The following SH2D4B variants were observed in gnomAD, a reference collection of about 807,000 sequenced individuals.
SH2D4B encodes the protein SH2 domain containing 4B.
In SH2D4B, 45 loss-of-function variants were observed where a neutral mutation model predicts 61.5. The observed-to-expected ratio is 0.73, with a 90% CI of 0.58 to 0.94. SH2D4B has a LOEUF of 0.94. SH2D4B is among the 40% of genes least tolerant of loss of function. The pLI, the probability that SH2D4B is intolerant of heterozygous loss-of-function variation, is 0.00. For synonymous variants in SH2D4B, 224 were observed against 220.4 expected (o/e 1.02, Z -0.14); for missense variants, 572 against 574.2 (o/e 1.00, Z 0.04).
At chr10:80,605,087 C>T (rs1438735331) in intron 5 of SH2D4B, among the ~76,000 whole-genome samples, 2 of 152,198 alleles carry the variant, frequency 1.3e-5, no homozygotes, top group Admixed American at 6.5e-5. Flanking sequence ...GCCACTGCGT[C>T]CGGCTCTGTT....
chr10:80,571,885 A>G lies in SH2D4B; in HGVS notation c.495+307A>G, dbSNP rs906769647. ...CCTCCCGGGTTCACGCCATTCTCCT[A>G]CCTCAGCCTCCCGAGTAGCTGGGAC... On this transcript the variant is annotated intron_variant, in intron 3 of 7. Coordinates refer to ENST00000646907, the MANE Select transcript of SH2D4B (RefSeq NM_001388272.1). 6.2e-5 allele frequency among the ~76,000 whole-genome samples: 9 copies of G among 146,162 alleles called. No individual in the cohort carries two copies. In the South Asian group the frequency reaches 1.7e-3, roughly 28 times the overall value.
chr10:80,585,041 T>G (rs1913758), intron 3 of SH2D4B, among the ~76,000 whole-genome samples: 40,858 of 152,080 alleles, frequency 0.27, 6,430 homozygotes, highest in African/African-American at 0.43. Flanking sequence ...GAAGCCTGTG[T>G]TTCATAATGT....
At chr10:80,612,544 T>G (rs6586106) in intron 6 of SH2D4B, among the ~76,000 whole-genome samples, 77,510 of 151,862 alleles carry the variant, frequency 0.51, 20,781 homozygotes, top group East Asian at 0.74. Context: ...TTGAGCCCTA[T>G]TCTTAGAGCC....
intron 6 of SH2D4B, among the ~76,000 whole-genome samples, chr10:80,617,560 G>T (rs1412477018): frequency 6.6e-6 from 1 of 152,182 alleles, no homozygotes; most frequent in Non-Finnish European, 1.5e-5. Flanking sequence ...TACAGGGTGT[G>T]TGGTGATGAA....
intron 3 of SH2D4B, among the ~76,000 whole-genome samples, chr10:80,583,495 C>CT (rs373321438): frequency 0.012 from 1,770 of 148,662 alleles, 61 homozygotes; most frequent in African/African-American, 0.042. Context: ...ATGATGAAAC[C>CT]CGTCTCCACT....
intron 7 of SH2D4B, among the ~76,000 whole-genome samples, chr10:80,636,355 T>A (rs1176977594): frequency 6.6e-6 from 1 of 152,216 alleles, no homozygotes; most frequent in African/African-American, 2.4e-5. Flanking sequence ...TAGTTCTAGA[T>A]CCCTGAGGAA....
intron 3 of SH2D4B, among the ~76,000 whole-genome samples, chr10:80,586,810 C>T (rs1306161316): frequency 1.3e-5 from 2 of 152,146 alleles, no homozygotes; most frequent in East Asian, 3.9e-4. Context: ...TTCCACGCTG[C>T]CTTTATGAGC....
intron 6 of SH2D4B, among the ~76,000 whole-genome samples, chr10:80,619,452 C>A (rs1374430039): frequency 6.6e-6 from 1 of 152,184 alleles, no homozygotes; most frequent in Non-Finnish European, 1.5e-5. Context: ...GTGCTTGGGC[C>A]CAGAGAAGCT....
At chr10:80,631,811 A>G (rs1193337737) in intron 6 of SH2D4B, among the ~76,000 whole-genome samples, 1 of 152,226 alleles carries the variant, frequency 6.6e-6, no homozygotes, top group Non-Finnish European at 1.5e-5. Context: ...AGAGGCAGGC[A>G]CTGGGGAGAT....
chr10:80,643,986 G>C lies in SH2D4B; in HGVS notation c.1210-7G>C, dbSNP rs772607359. 8.1e-6 allele frequency: 13 copies of C among 1,608,000 alleles called. No individual in the cohort carries two copies. Among genetic ancestry groups the C allele is most frequent in the Non-Finnish European group, 1.1e-5 (13 of 1,177,422 alleles). On this transcript the variant is annotated splice_region_variant and splice_polypyrimidine_tract_variant and intron_variant, in intron 7 of 7. Coordinates refer to ENST00000646907, the MANE Select transcript of SH2D4B (RefSeq NM_001388272.1). ...ATAAGTGGATTTTCCTTTTTTTTCT[G>C]TTTTAGGAGGAAATTATCACTGTTT...
intron 3 of SH2D4B, among the ~76,000 whole-genome samples, chr10:80,575,232 T>G (rs1304594114): frequency 1.3e-5 from 2 of 151,738 alleles, no homozygotes; most frequent in Non-Finnish European, 2.9e-5. Context: ...TGAATTTAAA[T>G]GGAGAATATT....
intron 5 of SH2D4B, among the ~76,000 whole-genome samples, chr10:80,606,579 C>G (rs141849839): frequency 0.023 from 3,470 of 152,268 alleles, 51 homozygotes; most frequent in Middle Eastern, 0.065. Context: ...AACTCCTGAC[C>G]TCAGGTGATC....
intron 3 of SH2D4B, among the ~76,000 whole-genome samples, chr10:80,575,092 A>G (rs988341269): frequency 2.6e-4 from 39 of 151,698 alleles, no homozygotes; most frequent in Admixed American, 1.5e-3. Flanking sequence ...AAAATTTCAA[A>G]CATGAAGAAA....
At chr10:80,621,541 C>T (rs377134963) in intron 6 of SH2D4B, among the ~76,000 whole-genome samples, 3 of 152,336 alleles carry the variant, frequency 2.0e-5, no homozygotes, top group African/African-American at 7.2e-5. Flanking sequence ...AATATTCAGT[C>T]ATTTTAAGCT....
rs747261183 is a variant in SH2D4B at position 80,547,698 on chromosome 10, A to C, written c.184+9183A>C. On this transcript the variant is annotated intron_variant, in intron 1 of 7. Coordinates refer to ENST00000646907, the MANE Select transcript of SH2D4B (RefSeq NM_001388272.1). Reference sequence around the variant, plus strand: ...CTGTCACCATGTAAATATTCAAGGAACAATTCTCTGGAGGAAATACTTGAT... The same window carrying C: ...CTGTCACCATGTAAATATTCAAGGACCAATTCTCTGGAGGAAATACTTGAT... Among the ~76,000 whole-genome samples the C allele has an allele frequency of 2.0e-5, 3 of 152,200 alleles. No homozygotes were observed. The South Asian group carries it at 6.2e-4, about 32-fold the overall frequency.
At chr10:80,588,586 GTGT>G (rs745649391) in intron 3 of SH2D4B, 41 bp from the exon 4 acceptor site, 1 of 1,605,268 alleles carries the variant, frequency 6.2e-7, no homozygotes, top group East Asian at 2.2e-5. Context: ...TTTCTCTGAA[GTGT>G]TGTGGTCATC....
In SH2D4B at chr10:80,570,263, G is replaced by A. The variant is rs753882465; in HGVS notation, c.294G>A (p.Glu98=). The change falls in exon 2 of 8, where the codon GAG becomes GAA. Residue 98 remains glutamate (E), a synonymous_variant. Transcript: ENST00000646907. ...AGCCCTACGAAGAGATCTCTGAGGA[G>A]CTGATTGCAGAGAGGGCGCGGCTGC... ...GDKPYEEISE[E]LIAERARLQA... is the part of the protein sequence containing the mutation. 9 of 1,614,052 alleles carry A rather than the reference G, an allele frequency of 5.6e-6. No individual in the cohort carries two copies. In the South Asian group the frequency reaches 7.7e-5, roughly 14 times the overall value.
intron 6 of SH2D4B, among the ~76,000 whole-genome samples, chr10:80,619,325 C>T (rs1393798296): frequency 6.6e-6 from 1 of 152,206 alleles, no homozygotes; most frequent in Non-Finnish European, 1.5e-5. Context: ...CTCACTGCAG[C>T]CTGTAACCAT....
In SH2D4B at chr10:80,539,449, C is replaced by A. The variant is rs1841549102; in HGVS notation, c.184+934C>A. Reference sequence around the variant, plus strand: ...CATGCCAGGCTCACTGCTGGCCAGTCCCCACCAGGTGCCACAGGCCACACC... The same window carrying A: ...CATGCCAGGCTCACTGCTGGCCAGTACCCACCAGGTGCCACAGGCCACACC... On this transcript the variant is annotated intron_variant, in intron 1 of 7. Transcript: ENST00000646907. The surrounding 1 kb of genome is among the most constrained non-coding windows in gnomAD (Gnocchi z 4.9). Among the ~76,000 whole-genome samples, 1 of 152,234 alleles carries A rather than the reference C, an allele frequency of 6.6e-6. No individual in the cohort carries two copies. Among genetic ancestry groups the A allele is most frequent in the Non-Finnish European group, 1.5e-5 (1 of 68,038 alleles).
Sources: allele counts gnomAD v4.1 joint callset (sites outside exome capture counted in the v4.1 genomes callset), GRCh38; gene constraint gnomAD v4.1.1; non-coding constraint Gnocchi (gnomAD v3.1); transcripts MANE v1.5; gene names NCBI Gene and HGNC (gene_info 2026-07-23, HGNC 2026-07-21).